The following RBBP6 variants were observed in gnomAD, a reference collection of about 807,000 sequenced individuals.
RBBP6 encodes E3 ubiquitin-protein ligase RBBP6.
RBBP6 carries 25 observed loss-of-function variants against 167.7 expected under a neutral mutation model. The ratio of observed to expected loss-of-function variants is 0.15; its 90% CI spans 0.11 to 0.21. RBBP6 has a LOEUF of 0.21. Among genes scored for constraint, RBBP6 ranks in the 10% least tolerant of loss-of-function variants. The probability of loss-of-function intolerance (pLI) is 1.00; values close to 1 mark genes in which losing one functional copy is unlikely to be tolerated. For synonymous variants in RBBP6, 789 were observed against 735.8 expected, an observed-to-expected ratio of 1.07 and a Z score of -1.17; for missense variants, 1,868 against 2,134.2, an observed-to-expected ratio of 0.88 and a Z score of 2.46.
intron 10 of RBBP6, 109 bp downstream of exon 10, chr16:24,562,270 T>C: frequency 1.0e-6 from 1 of 988,508 alleles, no homozygotes; most frequent in South Asian, 1.6e-5. Context: ...CTGTGCTCAG[T>C]AATGTGGGAT....
chr16:24,571,709 C>T lies in RBBP6; in HGVS notation c.4643C>T (p.Thr1548Ile), dbSNP rs149727684. ...RDRKPHDHKA[T>I]YDTKRPNEET... ...AGAAAACCTCATGATCACAAAGCCA[C>T]TTATGATACTAAACGGCCAAATGAA... Residue 1548 changes from threonine to isoleucine, a missense_variant, in exon 18 of 18, where the codon ACT becomes ATT. Thr to Ile is a moderately conservative substitution (Grantham distance 89). Around this residue, in one of 7 missense-constraint regions of RBBP6, gnomAD observed 591 missense variants for 540.5 expected, o/e 1.09. Coordinates refer to ENST00000319715, the MANE Select transcript of RBBP6 (RefSeq NM_006910.5). 1 of 1,614,116 alleles carries T rather than the reference C, an allele frequency of 6.2e-7. No homozygotes were observed. Among genetic ancestry groups the T allele is most frequent in the South Asian group, 1.1e-5 (1 of 91,082 alleles).
chr16:24,554,633 A>AT (rs1408060934), intron 4 of RBBP6: 5 of 152,116 alleles, frequency 3.3e-5, no homozygotes, highest in Admixed American at 3.3e-4. Context: ...GTGGTTTAGT[A>AT]TAGAGTTAAC....
intron 16 of RBBP6, among the ~76,000 whole-genome samples, chr16:24,568,497 C>T (rs1037475813): frequency 2.0e-5 from 3 of 152,164 alleles, no homozygotes; most frequent in African/African-American, 7.2e-5. Context: ...GCTCATATAA[C>T]TCACGGTACA....
At chr16:24,565,511 C>CGA (rs1198895828) in intron 14 of RBBP6, among the ~76,000 whole-genome samples, 3 of 152,226 alleles carry the variant, frequency 2.0e-5, no homozygotes, top group African/African-American at 7.2e-5. Flanking sequence ...CTGAGCTCCA[C>CGA]CTCTTGTCAG....
Position 24,571,788 on chromosome 16 carries a change from A to T in RBBP6, c.4722A>T (p.Leu1574Phe), listed in dbSNP as rs1035829636. 6.2e-7 allele frequency: 1 copy of T among 1,613,858 alleles called. No homozygotes were observed. The highest frequency in any genetic ancestry group is 1.7e-5 in the Admixed American group (1 of 59,998). Reference protein sequence around the residue: ...NPCKDREKHVLEARNNKESSG... With the variant: ...NPCKDREKHVFEARNNKESSG... The stretch of plus-strand genomic sequence containing the variant: ...GTAAGGATCGTGAGAAGCATGTATT[A>T]GAAGCAAGGAACAATAAAGAGTCAA... The change falls in exon 18 of 18, where the codon TTA (leucine) becomes TTT (phenylalanine). Residue 1574 changes from leucine to phenylalanine, a missense_variant. Physicochemically the swap from Leu to Phe is conservative, Grantham distance 22. Around this residue, in one of 7 missense-constraint regions of RBBP6, gnomAD observed 591 missense variants for 540.5 expected, o/e 1.09. Transcript: ENST00000319715.
intron 1 of RBBP6, among the ~76,000 whole-genome samples, chr16:24,545,471 T>C (rs1898620861): frequency 6.6e-6 from 1 of 152,228 alleles, no homozygotes. Context: ...AATCAGTGTA[T>C]GGTCTATACC....
rs752893183 is a variant in RBBP6, at chr16:24,568,840, G to T, written c.2150G>T (p.Arg717Leu). The T allele has an allele frequency of 1.2e-6, 2 of 1,614,018 alleles. No individual in the cohort carries two copies. Among genetic ancestry groups the T allele is most frequent in the Non-Finnish European group, 1.7e-6 (2 of 1,180,036 alleles). ...TCAACACGTTCACGCTCTTATTCTC[G>T]ATCATTCAGCCGCTCACATTCTCGT... ...SGSTRSRSYS[R>L]SFSRSHSRSY... The change falls in exon 17 of 18, where the codon CGA (arginine) becomes CTA (leucine). Residue 717 changes from arginine to leucine, a missense_variant. Transcript: ENST00000319715.
chr16:24,546,563 T>C (rs1898658205), intron 2 of RBBP6, among the ~76,000 whole-genome samples: 1 of 152,238 alleles, frequency 6.6e-6, no homozygotes, highest in Non-Finnish European at 1.5e-5. Flanking sequence ...TTGACTACTT[T>C]TTTTTGTGGG....
intron 3 of RBBP6, among the ~76,000 whole-genome samples, chr16:24,552,793 CT>C (rs1255932678): frequency 6.6e-6 from 1 of 150,554 alleles, no homozygotes; most frequent in East Asian, 1.9e-4. Context: ...ATTAAAATAC[CT>C]TTTTTAAAGC....
Position 24,540,344 on chromosome 16 carries a change from C to T in RBBP6, c.-283C>T, listed in dbSNP as rs958063148. The T allele has an allele frequency of 1.6e-5, 5 of 310,482 alleles. No individual in the cohort carries two copies. Among genetic ancestry groups the T allele is most frequent in the Non-Finnish European group, 3.0e-5 (5 of 165,562 alleles). 19.2% of individuals were successfully genotyped at this position (310,482 alleles called of 1,614,324 possible). A position where few individuals can be genotyped will look rare whatever the true frequency, so the allele number is the denominator to read the frequency against. On this transcript the variant is annotated 5_prime_UTR_variant, in exon 1 of 18. Transcript: ENST00000319715. ...CCCCTTAGCATGAGCGAGGGGGACCCAGCCGGGTGACATTGTGCCCGTTGG... is the reference window on the plus strand; with the variant it reads ...CCCCTTAGCATGAGCGAGGGGGACCTAGCCGGGTGACATTGTGCCCGTTGG...
chr16:24,567,578 A>T (rs1348080804), intron 15 of RBBP6, 73 bp downstream of exon 15: 3 of 1,479,496 alleles, frequency 2.0e-6, no homozygotes, highest in Non-Finnish European at 2.7e-6. Flanking sequence ...GGTGTCTGGA[A>T]ACGTTTTCCA....
chr16:24,565,779 A>T (rs1899181262), intron 14 of RBBP6, among the ~76,000 whole-genome samples: 1 of 152,128 alleles, frequency 6.6e-6, no homozygotes, highest in African/African-American at 2.4e-5. Flanking sequence ...TCATAACAAG[A>T]GTTTTGGCCA....
At chr16:24,541,642 A>G (rs1037566168) in intron 1 of RBBP6, among the ~76,000 whole-genome samples, 3 of 152,206 alleles carry the variant, frequency 2.0e-5, no homozygotes, top group African/African-American at 7.2e-5. Context: ...TCTCCTTTTC[A>G]AAAGTATTTT....
At chr16:24,566,735 CTG>C (rs1049823270) in intron 14 of RBBP6, among the ~76,000 whole-genome samples, 4 of 152,144 alleles carry the variant, frequency 2.6e-5, no homozygotes, top group African/African-American at 9.7e-5. Flanking sequence ...GAGTGAGACT[CTG>C]TCTCAAAAAA....
At chr16:24,550,363 GTTTT>G (rs1467504689) in intron 3 of RBBP6, among the ~76,000 whole-genome samples, 1 of 121,432 alleles carries the variant, frequency 8.2e-6, no homozygotes, top group Admixed American at 9.0e-5. Flanking sequence ...GTTTTTTTTT[GTTTT>G]TTTGTTTTTT....
At position 24,555,920 on chromosome 16, in the gene RBBP6, A is replaced by G. The variant is rs1160750178; in HGVS notation, c.534+3A>G. 5 of 1,566,402 alleles carry G rather than the reference A, an allele frequency of 3.2e-6. No homozygotes were observed. Among genetic ancestry groups the G allele is most frequent in the Non-Finnish European group, 4.4e-6 (5 of 1,136,730 alleles). ...TTAAGAATTGCCCAACAAATGGGGT[A>G]AGTTCAAAGCAGAAACTATGGTATA... On this transcript the variant is annotated splice_donor_region_variant and intron_variant, in intron 6 of 17. Transcript: ENST00000319715.
rs761605220 is a variant in RBBP6 at position 24,571,904 on chromosome 16, A to G, written c.4838A>G (p.Lys1613Arg). Residue 1613 changes from lysine (K) to arginine (R), a missense_variant, in exon 18 of 18, where the codon AAG (lysine) becomes AGG (arginine). Lys to Arg is a conservative substitution (Grantham distance 26, BLOSUM62 2). Transcript: ENST00000319715. ...ITGQIDKSTV[K>R]PKPQLSHSSR... ...GGGCAAATTGACAAGAGTACTGTCA[A>G]GCCTAAACCCCAGTTAAGTCATTCC... 5.6e-6 allele frequency: 9 copies of G among 1,614,178 alleles called. No individual in the cohort carries two copies. The South Asian group carries it at 8.8e-5, about 16-fold the overall frequency.
intron 4 of RBBP6, 41 bp from the exon 5 acceptor site, chr16:24,555,574 G>A: frequency 6.8e-7 from 1 of 1,476,594 alleles, no homozygotes; most frequent in Non-Finnish European, 9.4e-7. Flanking sequence ...GGTCTTAAAT[G>A]TGTTTCTAAT....
rs1427711081 is a variant in RBBP6 at position 24,569,716 on chromosome 16, G to C, written c.3026G>C (p.Arg1009Thr). 1.2e-6 allele frequency: 2 copies of C among 1,613,974 alleles called. No homozygotes were observed. The highest frequency in any genetic ancestry group is 2.2e-5 in the South Asian group (2 of 91,080). Residue 1009 changes from arginine to threonine, a missense_variant, in exon 17 of 18, where the codon AGG becomes ACG. Physicochemically the swap from Arg to Thr is moderately conservative, Grantham distance 71 (BLOSUM62 -1). Transcript: ENST00000319715. ...GTGTCTGAAAAAGACAAGAGAGAAA[G>C]GGATAAACCAAAAGCAAAGGGTGAT... is the stretch of plus-strand genomic sequence containing the variant. ...KSVSEKDKRE[R>T]DKPKAKGDKT...
Sources: allele counts gnomAD v4.1 joint callset (sites outside exome capture counted in the v4.1 genomes callset), GRCh38; gene constraint gnomAD v4.1.1; regional missense constraint gnomAD v4.1.1; transcripts MANE v1.5; gene names NCBI Gene and HGNC (gene_info 2026-07-23, HGNC 2026-07-21).